The following GGNBP2 variants were observed in gnomAD, a reference collection of about 807,000 sequenced individuals.
GGNBP2 encodes gametogenetin binding protein 2, also known as gametogenetin-binding protein 2.
Under a neutral mutation model 85.9 loss-of-function variants are expected in GGNBP2, and 10 were observed. The observed-to-expected ratio is 0.12, with a 90% CI of 0.07 to 0.20. The LOEUF (loss-of-function observed/expected upper bound fraction) is 0.20, where lower values mean the gene tolerates loss of function less well. Among genes scored for constraint, GGNBP2 ranks in the 10% least tolerant of loss-of-function variants. GGNBP2 has a pLI of 1.00. For missense variants in GGNBP2, 595 were observed against 857.8 expected (o/e 0.69, Z 3.83); for synonymous variants, 287 against 285.7 (o/e 1.00, Z -0.05).
Position 36,578,103 on chromosome 17 carries a change from A to G in GGNBP2, c.762A>G (p.Pro254=). Reference sequence around the variant, plus strand: ...TTTATGAAGGCTTGCGGTGCTGTCCACATGAACGACACATACATGTTTGCT... The same window carrying G: ...TTTATGAAGGCTTGCGGTGCTGTCCGCATGAACGACACATACATGTTTGCT... ...AALYEGLRCC[P]HERHIHVCCE... The change falls in exon 7 of 14, where the codon CCA becomes CCG. Residue 254 remains proline (P), a synonymous_variant. Coordinates refer to ENST00000613102, the MANE Select transcript of GGNBP2 (RefSeq NM_024835.5). 1 of 1,614,234 alleles carries G rather than the reference A, an allele frequency of 6.2e-7. No homozygotes were observed. Among genetic ancestry groups the G allele is most frequent in the East Asian group, 2.2e-5 (1 of 44,890 alleles).
At chr17:36,547,190 AC>A (rs1377961685) in intron 2 of GGNBP2, 1 of 152,200 alleles carries the variant, frequency 6.6e-6, no homozygotes, top group Non-Finnish European at 1.5e-5. Flanking sequence ...AATAGTTGAA[AC>A]TAGCACTGTG....
At chr17:36,586,904 C>A (rs2074707048) in intron 12 of GGNBP2, 93 bp from the exon 13 acceptor site, 1 of 1,260,590 alleles carries the variant, frequency 7.9e-7, no homozygotes, top group Admixed American at 2.6e-5. Context: ...TAGGCATGAG[C>A]CACCGTGCCC....
chr17:36,551,988 T>C (rs2074313628), intron 2 of GGNBP2, among the ~76,000 whole-genome samples: 1 of 152,226 alleles, frequency 6.6e-6, no homozygotes, highest in Non-Finnish European at 1.5e-5. Context: ...GATTTTGATT[T>C]GGTTAAATAA....
At chr17:36,560,476 C>T (rs1483444355) in intron 4 of GGNBP2, among the ~76,000 whole-genome samples, 4 of 152,144 alleles carry the variant, frequency 2.6e-5, no homozygotes, top group African/African-American at 9.7e-5. Flanking sequence ...GTCTCAAACC[C>T]TTGGGCTTAA....
intron 5 of GGNBP2, among the ~76,000 whole-genome samples, chr17:36,567,317 T>G (rs1198742663): frequency 1.3e-5 from 2 of 152,184 alleles, no homozygotes; most frequent in Non-Finnish European, 2.9e-5. Flanking sequence ...AAAGTGAGTA[T>G]GTAATCATAT....
Position 36,554,915 on chromosome 17 carries a change from A to G in GGNBP2, c.174+15A>G, listed in dbSNP as rs751111708. The G allele has an allele frequency of 1.1e-5, 17 of 1,494,956 alleles. No homozygotes were observed. Among genetic ancestry groups the G allele is most frequent in the Non-Finnish European group, 1.6e-5 (17 of 1,071,666 alleles). 92.6% of individuals were successfully genotyped at this position (1,494,956 alleles called of 1,614,324 possible). On this transcript the variant is annotated intron_variant, in intron 3 of 13. Transcript: ENST00000613102. ...AGTTCATTCAGGTAATAGTTTTTTC[A>G]ATCAGTGTTTTTAATGGTGTATGTG...
chr17:36,589,115 AAGTT>A (rs2074732856), intron 13 of GGNBP2, 89 bp from the exon 14 acceptor site: 2 of 845,228 alleles, frequency 2.4e-6, no homozygotes, highest in Non-Finnish European at 3.8e-6. Context: ...TGAAACTAAA[AAGTT>A]AGACTGGTTT....
At chr17:36,562,953 C>CAAAA (rs34799358) in intron 5 of GGNBP2, among the ~76,000 whole-genome samples, 9 of 40,544 alleles carry the variant, frequency 2.2e-4, no homozygotes, top group East Asian at 8.8e-4. Flanking sequence ...GACTCTGTCT[C>CAAAA]AAAAAAAAAA....
chr17:36,550,005 T>G (rs1194175496), intron 2 of GGNBP2, among the ~76,000 whole-genome samples: 3 of 152,098 alleles, frequency 2.0e-5, no homozygotes, highest in Non-Finnish European at 4.4e-5. Context: ...TGGTGTGATC[T>G]TGGCTCACTG....
At chr17:36,559,793 T>A (rs1218688099) in intron 4 of GGNBP2, among the ~76,000 whole-genome samples, 1 of 152,086 alleles carries the variant, frequency 6.6e-6, no homozygotes, top group Non-Finnish European at 1.5e-5. Context: ...TAAGAAGTGA[T>A]CTGATTCTAG....
At chr17:36,577,236 G>A (rs1343522320) in intron 6 of GGNBP2, 1 of 152,080 alleles carries the variant, frequency 6.6e-6, no homozygotes, top group African/African-American at 2.4e-5. Context: ...ATTTCTTTCT[G>A]ATTGATTGAT....
intron 5 of GGNBP2, among the ~76,000 whole-genome samples, chr17:36,561,407 G>A (rs2142721013): frequency 6.6e-6 from 1 of 151,794 alleles, no homozygotes; most frequent in Non-Finnish European, 1.5e-5. Context: ...CAGGTGTGAG[G>A]CACCACACTC....
intron 11 of GGNBP2, 31 bp downstream of exon 11, chr17:36,585,996 C>G: frequency 6.2e-7 from 1 of 1,613,870 alleles, no homozygotes; most frequent in Non-Finnish European, 8.5e-7. Flanking sequence ...CCAGTTATTT[C>G]TACTACATGG....
At position 36,578,067 on chromosome 17, in the gene GGNBP2, C is replaced by T. The variant is rs1303185788; in HGVS notation, c.726C>T (p.Tyr242=). 1.9e-6 allele frequency: 3 copies of T among 1,614,144 alleles called. No individual in the cohort carries two copies. In the East Asian group the frequency reaches 6.7e-5, roughly 36 times the overall value. Residue 242 remains tyrosine, a synonymous_variant, in exon 7 of 14, where the codon TAC becomes TAT. Coordinates refer to ENST00000613102, the MANE Select transcript of GGNBP2 (RefSeq NM_024835.5). ...GELDCSKEKG[Y]CAALYEGLRC... is the part of the protein sequence containing the mutation. ...TTGACTGCAGCAAAGAAAAGGGCTA[C>T]TGTGCTGCACTTTATGAAGGCTTGC...
Position 36,581,478 on chromosome 17 carries a change from T to G in GGNBP2, c.1155T>G (p.Cys385Trp). ...QKRKNRRKNK[C>W]VCDIPTPLQT... is the part of the protein sequence containing the mutation. ...GGAAGAATAGACGAAAAAATAAGTG[T>G]GTGTGTGATATTCCTACTCCCTTAC... is the stretch of plus-strand genomic sequence containing the variant. The change falls in exon 9 of 14, where the codon TGT becomes TGG. Residue 385 changes from cysteine (C) to tryptophan (W), a missense_variant. This residue lies in a region of GGNBP2 where 85 missense variants were observed against 92.6 expected (regional missense o/e 0.92). Transcript: ENST00000613102. The G allele has an allele frequency of 6.2e-7, 1 of 1,613,928 alleles. No individual in the cohort carries two copies. Among genetic ancestry groups the G allele is most frequent in the Non-Finnish European group, 8.5e-7 (1 of 1,179,844 alleles).
chr17:36,560,219 A>C (rs1408632750), intron 4 of GGNBP2, among the ~76,000 whole-genome samples: 3 of 152,218 alleles, frequency 2.0e-5, no homozygotes, highest in Non-Finnish European at 4.4e-5. Context: ...CAGCCTTCCA[A>C]AGTGCTGGGA....
At chr17:36,551,450 C>T (rs557139418) in intron 2 of GGNBP2, among the ~76,000 whole-genome samples, 30 of 152,106 alleles carry the variant, frequency 2.0e-4, no homozygotes, top group African/African-American at 6.5e-4. Context: ...GTGATCCACC[C>T]GCCTGGGCCT....
intron 2 of GGNBP2, chr17:36,546,030 C>T (rs1001464062): frequency 9.8e-6 from 5 of 512,062 alleles, no homozygotes; most frequent in South Asian, 2.9e-5. Context: ...TACGCACTCC[C>T]TCTCTCCAGA....
chr17:36,574,812 G>T, intron 6 of GGNBP2: 2 of 671,114 alleles, frequency 3.0e-6, no homozygotes, highest in South Asian at 1.6e-5. Context: ...ATGGTGTGGG[G>T]CTTGCTGATC....
Sources: gnomAD v4.1 joint callset for allele counts (sites outside exome capture counted in the v4.1 genomes callset) on GRCh38, gnomAD v4.1.1 for gene constraint, gnomAD v4.1.1 regional missense constraint, MANE v1.5 for transcripts, NCBI Gene and HGNC (gene_info 2026-07-23, HGNC 2026-07-21) for gene names.